The following PRKN variants were observed in gnomAD, a reference collection of about 807,000 sequenced individuals.
PRKN encodes the protein parkin RBR E3 ubiquitin protein ligase, also known as E3 ubiquitin-protein ligase parkin.
In PRKN, 56 loss-of-function variants were observed where a neutral mutation model predicts 59.5. That is an observed-to-expected ratio of 0.94 (90% CI 0.76 to 1.18). The LOEUF (loss-of-function observed/expected upper bound fraction) is 1.18. Ranked by LOEUF, PRKN falls within the 50% of genes most tolerant of loss-of-function variation. The pLI, the probability that PRKN is intolerant of heterozygous loss-of-function variation, is 0.00. For synonymous variants in PRKN, 250 were observed against 222.1 expected, an observed-to-expected ratio of 1.13 and a Z score of -1.12; for missense variants, 657 against 596.4, an observed-to-expected ratio of 1.10 and a Z score of -1.06.
At chr6:161,601,737 C>T (rs1223338398) in intron 7 of PRKN, among the ~76,000 whole-genome samples, 1 of 152,150 alleles carries the variant, frequency 6.6e-6, no homozygotes, top group African/African-American at 2.4e-5. Flanking sequence ...CGCCCGCCAC[C>T]ACGCCTGGCT....
chr6:161,552,701 T>C lies in PRKN; in HGVS notation c.934-3698A>G, dbSNP rs1487021469. On this transcript the variant is annotated intron_variant, in intron 8 of 11. Coordinates refer to ENST00000366898, the MANE Select transcript of PRKN (RefSeq NM_004562.3). This position sits in a 1 kb window ranked among gnomAD's most constrained non-coding sequence, Gnocchi z 4.9. The stretch of plus-strand genomic sequence containing the variant: ...CTACCCAGGCCAAGACACAGAACTT[T>C]ACCAGGTCCGCCTGAAGCCCTCCAT... Among the ~76,000 whole-genome samples the C allele has an allele frequency of 1.3e-5, 2 of 152,084 alleles. No individual in the cohort carries two copies. The highest frequency in any genetic ancestry group is 4.8e-5 in the African/African-American group (2 of 41,438).
rs1262202436 is a variant in PRKN, at chr6:161,552,617, AT to A, written c.934-3615del. Among the ~76,000 whole-genome samples the A allele has an allele frequency of 1.3e-5, 2 of 152,014 alleles. No individual in the cohort carries two copies. The highest frequency in any genetic ancestry group is 6.6e-5 in the Admixed American group (1 of 15,264). On this transcript the variant is annotated intron_variant, in intron 8 of 11. Coordinates refer to ENST00000366898, the MANE Select transcript of PRKN (RefSeq NM_004562.3). This position sits in a 1 kb window ranked among gnomAD's most constrained non-coding sequence, Gnocchi z 4.9. ...AAAAACAAAAAACAAAAAACTTTTT[AT>A]TGTAAATATCACATAGAATAAGCTT...
At chr6:161,415,595 C>CG (rs1787804929) in intron 9 of PRKN, among the ~76,000 whole-genome samples, 1 of 40,018 alleles carries the variant, frequency 2.5e-5, no homozygotes, top group Admixed American at 1.9e-4. Flanking sequence ...AAATGTCGCC[C>CG]CCCCCCCCCC....
intron 1 of PRKN, among the ~76,000 whole-genome samples, chr6:162,582,180 T>C (rs1562406270): frequency 6.6e-6 from 1 of 152,214 alleles, no homozygotes; most frequent in Non-Finnish European, 1.5e-5. Flanking sequence ...AAGACAGCAC[T>C]GAAGCAGAGA....
Position 161,442,278 on chromosome 6 carries a change from G to A in PRKN, c.1084-55401C>T, listed in dbSNP as rs183529891. Among the ~76,000 whole-genome samples, 1 of 152,332 alleles carries A rather than the reference G, an allele frequency of 6.6e-6. No homozygotes were observed. Among genetic ancestry groups the A allele is most frequent in the Admixed American group, 6.5e-5 (1 of 15,304 alleles). On this transcript the variant is annotated intron_variant, in intron 9 of 11. Transcript: ENST00000366898. This position sits in a 1 kb window ranked among gnomAD's most constrained non-coding sequence, Gnocchi z 4.6. ...CTTCAAAAGTCAGTACAGAGCCATT[G>A]AAGGGGCTTTCCACCTCCTACGATA...
intron 4 of PRKN, among the ~76,000 whole-genome samples, chr6:162,119,562 G>A (rs1177688534): frequency 9.2e-5 from 14 of 152,178 alleles, no homozygotes; most frequent in Non-Finnish European, 1.5e-5. Context: ...CTTGCGGTTT[G>A]TGTCAGCAAA....
intron 1 of PRKN, among the ~76,000 whole-genome samples, chr6:162,690,149 A>C (rs1431299103): frequency 2.0e-5 from 3 of 152,264 alleles, no homozygotes; most frequent in Admixed American, 2.0e-4. Flanking sequence ...TAAGCCTCTG[A>C]TTTCTGAATA....
intron 7 of PRKN, among the ~76,000 whole-genome samples, chr6:161,761,261 G>C (rs1789188678): frequency 6.6e-6 from 1 of 152,140 alleles, no homozygotes; most frequent in African/African-American, 2.4e-5. Context: ...AAAGTAAAAA[G>C]TACGTCTTTT....
At chr6:162,181,679 C>G (rs945861339) in intron 4 of PRKN, among the ~76,000 whole-genome samples, 2 of 151,984 alleles carry the variant, frequency 1.3e-5, no homozygotes, top group Non-Finnish European at 2.9e-5. Context: ...GGGAAAGAAA[C>G]TAAGAATCAT....
chr6:162,075,474 T>C (rs1313841869), intron 4 of PRKN, among the ~76,000 whole-genome samples: 3 of 152,132 alleles, frequency 2.0e-5, no homozygotes, highest in Non-Finnish European at 4.4e-5. Flanking sequence ...CATTTATTTT[T>C]AAGAAAGGGA....
At chr6:162,623,622 T>G (rs1339691645) in intron 1 of PRKN, among the ~76,000 whole-genome samples, 2 of 152,158 alleles carry the variant, frequency 1.3e-5, no homozygotes, top group Non-Finnish European at 2.9e-5. Context: ...AAGATCAAGC[T>G]AATTTTAAAA....
In PRKN at chr6:162,201,046, A is replaced by G. The variant is rs979976475; in HGVS notation, c.534+85T>C. The G allele has an allele frequency of 3.6e-6, 5 of 1,394,130 alleles. No individual in the cohort carries two copies. In the African/African-American group the frequency reaches 5.7e-5, roughly 16 times the overall value. 86.4% of individuals were successfully genotyped at this position (1,394,130 alleles called of 1,614,324 possible). A position where few individuals can be genotyped will look rare whatever the true frequency, so the allele number is the denominator to read the frequency against. ...TGTCTTTTCTTTTCAAAGACGGGTG[A>G]TACATCATTAGAAAAACTGAAAGGC... On this transcript the variant is annotated intron_variant, in intron 4 of 11. Coordinates refer to ENST00000366898, the MANE Select transcript of PRKN (RefSeq NM_004562.3).
At position 161,498,644 on chromosome 6, in the gene PRKN, G is replaced by A. The variant is rs1281283168; in HGVS notation, c.1083+50210C>T. Among the ~76,000 whole-genome samples the A allele has an allele frequency of 6.6e-6, 1 of 152,300 alleles. No individual in the cohort carries two copies. The highest frequency in any genetic ancestry group is 1.5e-5 in the Non-Finnish European group (1 of 68,034). ...CCCACCATCCTGCTTCCTGAAGGAA[G>A]GGCTCCACCTGCCGACCCTGATGGA... On this transcript the variant is annotated intron_variant, in intron 9 of 11. Coordinates refer to ENST00000366898, the MANE Select transcript of PRKN (RefSeq NM_004562.3). The surrounding 1 kb of genome is among the most constrained non-coding windows in gnomAD (Gnocchi z 4.2).
At chr6:161,997,975 C>G in intron 5 of PRKN, among the ~76,000 whole-genome samples, 1 of 151,862 alleles carries the variant, frequency 6.6e-6, no homozygotes, top group South Asian at 2.1e-4. Flanking sequence ...ACCTTCATAA[C>G]CATGGGAAAG....
At chr6:162,144,140 C>T (rs1781903804) in intron 4 of PRKN, among the ~76,000 whole-genome samples, 1 of 152,152 alleles carries the variant, frequency 6.6e-6, no homozygotes, top group East Asian at 1.9e-4. Context: ...TGTAGGTGCT[C>T]ACTACCCCAG....
intron 8 of PRKN, 61 bp downstream of exon 8, chr6:161,569,294 C>T (rs188958137): frequency 2.9e-4 from 437 of 1,495,556 alleles, no homozygotes; most frequent in Middle Eastern, 2.4e-3. Flanking sequence ...GGAGCCCAAA[C>T]TGTCTCATTA....
intron 6 of PRKN, among the ~76,000 whole-genome samples, chr6:161,906,597 G>A (rs575419575): frequency 2.0e-5 from 3 of 150,010 alleles, no homozygotes; most frequent in South Asian, 2.1e-4. Flanking sequence ...TAGGGATCAG[G>A]GTGAGTTATA....
intron 7 of PRKN, among the ~76,000 whole-genome samples, chr6:161,722,300 A>T (rs1787258437): frequency 6.6e-6 from 1 of 152,236 alleles, no homozygotes; most frequent in South Asian, 2.1e-4. Context: ...AACTGGATTC[A>T]TAATGTATAC....
At chr6:161,843,768 C>A (rs763835179) in intron 6 of PRKN, among the ~76,000 whole-genome samples, 1 of 152,304 alleles carries the variant, frequency 6.6e-6, no homozygotes, top group Non-Finnish European at 1.5e-5. Flanking sequence ...GCAGCCTGGG[C>A]AACAGAGCAA....
Sources: allele counts gnomAD v4.1 joint callset (sites outside exome capture counted in the v4.1 genomes callset), GRCh38; gene constraint gnomAD v4.1.1; non-coding constraint Gnocchi (gnomAD v3.1); transcripts MANE v1.5; gene names NCBI Gene and HGNC (gene_info 2026-07-23, HGNC 2026-07-21).